The following ARHGAP22 variants were observed in gnomAD, a reference collection of about 807,000 sequenced individuals.
ARHGAP22 encodes Rho GTPase activating protein 22.
A neutral mutation model predicts 59.1 loss-of-function variants in ARHGAP22; 48 were observed. That is an observed-to-expected ratio of 0.81 (90% CI 0.64 to 1.03). The LOEUF (loss-of-function observed/expected upper bound fraction) is 1.03, where lower values mean the gene tolerates loss of function less well. ARHGAP22 is among the 50% of genes least tolerant of loss of function. The probability of loss-of-function intolerance (pLI) is 0.00; values close to 1 mark genes in which losing one functional copy is unlikely to be tolerated. For missense variants in ARHGAP22, 1,015 were observed against 958.7 expected (o/e 1.06, Z -0.78); for synonymous variants, 445 against 416.4 (o/e 1.07, Z -0.84).
At chr10:48,479,475 C>T (rs1564733374) in intron 4 of ARHGAP22, 161 bp downstream of exon 4, 1 of 1,368,244 alleles carries the variant, frequency 7.3e-7, no homozygotes, top group Non-Finnish European at 9.9e-7. Context: ...TTGGGTGACT[C>T]CCGAGGGCTG....
At chr10:48,622,211 T>G (rs902290495) in intron 1 of ARHGAP22, among the ~76,000 whole-genome samples, 1 of 152,238 alleles carries the variant, frequency 6.6e-6, no homozygotes, top group Non-Finnish European at 1.5e-5. Context: ...GATGTATCTT[T>G]TTTTGTTCCT....
intron 1 of ARHGAP22, among the ~76,000 whole-genome samples, chr10:48,615,012 GT>G (rs2061026203): frequency 6.6e-6 from 1 of 152,200 alleles, no homozygotes; most frequent in Non-Finnish European, 1.5e-5. Context: ...GTGGATAATA[GT>G]TGGAGCAAAA....
chr10:48,582,957 G>A lies in ARHGAP22; in HGVS notation c.230C>T (p.Pro77Leu), dbSNP rs778367791. Residue 77 changes from proline to leucine, a missense_variant, in exon 2 of 10, where the codon CCC (proline) becomes CTC (leucine). Pro to Leu is a moderately conservative substitution (Grantham distance 98). Transcript: ENST00000249601. ...FYYKDKDEIK[P>L]QGFISLQGTQ... ...CACCGGACATGCACTTCTCACCTGG[G>A]GCTTGATCTCATCTTTGTCCTTGTA... 3.7e-6 allele frequency: 6 copies of A among 1,614,070 alleles called. No homozygotes were observed. The East Asian group carries it at 1.3e-4, about 36-fold the overall frequency.
intron 1 of ARHGAP22, among the ~76,000 whole-genome samples, chr10:48,596,922 G>A (rs2060100971): frequency 6.6e-6 from 1 of 152,106 alleles, no homozygotes. Flanking sequence ...AAGCTGACAG[G>A]TCCCGCATGG....
At position 48,455,031 on chromosome 10, in the gene ARHGAP22, C is replaced by T. The variant is rs534705917; in HGVS notation, c.763G>A (p.Ala255Thr). ...FARYEDFLSC[A>T]QLLTKDEGEG... ...CCCTCGTCCTTGGTGAGCAGCTGGG[C>T]GCAGCTGAGGAAGTCCTCGTACCTG... Residue 255 changes from alanine (A) to threonine (T), a missense_variant, in exon 6 of 10, where the codon GCC (alanine) becomes ACC (threonine). Physicochemically the swap from Ala to Thr is moderately conservative, Grantham distance 58 (BLOSUM62 0). Coordinates refer to ENST00000249601, the MANE Select transcript of ARHGAP22 (RefSeq NM_021226.4). 38 of 1,609,684 alleles carry T rather than the reference C, an allele frequency of 2.4e-5. No individual in the cohort carries two copies. The highest frequency in any genetic ancestry group is 3.0e-5 in the Non-Finnish European group (35 of 1,177,514).
At chr10:48,647,385 C>G (rs539317448) in intron 1 of ARHGAP22, among the ~76,000 whole-genome samples, 1 of 152,088 alleles carries the variant, frequency 6.6e-6, no homozygotes, top group Non-Finnish European at 1.5e-5. Flanking sequence ...AAGAGCAAAA[C>G]TCAGTATCAA....
intron 3 of ARHGAP22, among the ~76,000 whole-genome samples, chr10:48,518,075 T>G (rs974407974): frequency 6.6e-6 from 1 of 152,176 alleles, no homozygotes; most frequent in Non-Finnish European, 1.5e-5. Flanking sequence ...CCCCCAGGGC[T>G]GCTGTGCAGG....
the ARHGAP22 span, chr10:48,437,649 G>C: frequency 6.6e-6 from 1 of 152,144 alleles, no homozygotes; most frequent in Non-Finnish European, 1.5e-5. Flanking sequence ...CGCAGATAGA[G>C]CATCTCAACT....
chr10:48,432,486 C>T, the ARHGAP22 span, among the ~76,000 whole-genome samples: 2 of 151,990 alleles, frequency 1.3e-5, no homozygotes, highest in South Asian at 4.2e-4. Flanking sequence ...TTGGAAATGG[C>T]CTTTTCTCTA....
At chr10:48,459,917 A>G in intron 4 of ARHGAP22, 26 bp from the exon 5 acceptor site, 1 of 1,599,606 alleles carries the variant, frequency 6.3e-7, no homozygotes, top group Non-Finnish European at 8.5e-7. Flanking sequence ...AGCTAGTCAC[A>G]CCCTCCACCA....
At chr10:48,593,231 C>T (rs934316439) in intron 1 of ARHGAP22, among the ~76,000 whole-genome samples, 1 of 152,226 alleles carries the variant, frequency 6.6e-6, no homozygotes, top group Admixed American at 6.5e-5. Context: ...TCCCCCACTG[C>T]TCCATTTCTC....
intron 1 of ARHGAP22, among the ~76,000 whole-genome samples, chr10:48,642,885 C>T (rs1462157758): frequency 4.6e-5 from 7 of 151,916 alleles, no homozygotes; most frequent in African/African-American, 1.7e-4. Flanking sequence ...CTCAAACAAA[C>T]TTACAAGAAA....
intron 1 of ARHGAP22, among the ~76,000 whole-genome samples, chr10:48,637,850 C>T (rs190223162): frequency 1.3e-5 from 2 of 152,332 alleles, no homozygotes; most frequent in East Asian, 1.9e-4. Flanking sequence ...ATGTCTCCAT[C>T]CTCCTCGCTG....
At chr10:48,448,804 C>T (rs1247359554) in intron 9 of ARHGAP22, among the ~76,000 whole-genome samples, 4 of 152,194 alleles carry the variant, frequency 2.6e-5, no homozygotes, top group African/African-American at 9.7e-5. Flanking sequence ...ACTGCTATCC[C>T]TTTTCCTCTG....
In ARHGAP22 at chr10:48,562,339, C is replaced by T. The variant is rs12762431; in HGVS notation, c.235-6789G>A. Among the ~76,000 whole-genome samples, 1,017 of 152,166 alleles carry T rather than the reference C, an allele frequency of 6.7e-3. 10 individuals are homozygous for T. Among genetic ancestry groups the T allele is most frequent in the Non-Finnish European group, 0.011 (718 of 68,010 alleles). Reference sequence around the variant, plus strand: ...ATATTTCCCTACAGAGATTTGTATGCAAATCATTGCAGTTTTATTTCTAAT... The same window carrying T: ...ATATTTCCCTACAGAGATTTGTATGTAAATCATTGCAGTTTTATTTCTAAT... On this transcript the variant is annotated intron_variant, in intron 2 of 9. Coordinates refer to ENST00000249601, the MANE Select transcript of ARHGAP22 (RefSeq NM_021226.4).
chr10:48,451,421 GT>G (rs2045938345), intron 8 of ARHGAP22: 2 of 704,392 alleles, frequency 2.8e-6, no homozygotes, highest in East Asian at 5.4e-5. Flanking sequence ...CTGGGGTGGG[GT>G]GAGGAAGCAG....
chr10:48,477,357 ATTG>A (rs2048850668), intron 4 of ARHGAP22, among the ~76,000 whole-genome samples: 1 of 152,148 alleles, frequency 6.6e-6, no homozygotes, highest in African/African-American at 2.4e-5. Flanking sequence ...ATTCATTCCC[ATTG>A]TTGTGGAGTT....
intron 2 of ARHGAP22, among the ~76,000 whole-genome samples, chr10:48,555,968 C>T (rs971646315): frequency 2.0e-5 from 3 of 152,204 alleles, no homozygotes; most frequent in Non-Finnish European, 2.9e-5. Flanking sequence ...GATCTGTGTG[C>T]GTCCAGTCCT....
chr10:48,561,353 A>G (rs2057675433), intron 2 of ARHGAP22, among the ~76,000 whole-genome samples: 1 of 152,174 alleles, frequency 6.6e-6, no homozygotes, highest in Admixed American at 6.5e-5. Flanking sequence ...ATAAAAATAT[A>G]CTCAAAATGA....
Sources: allele counts gnomAD v4.1 joint callset (sites outside exome capture counted in the v4.1 genomes callset), GRCh38; gene constraint gnomAD v4.1.1; transcripts MANE v1.5; gene names NCBI Gene and HGNC (gene_info 2026-07-23, HGNC 2026-07-21).